Variants in NEGR1 observed in about 807,000 individuals in gnomAD.
The protein encoded by NEGR1 is neuronal growth regulator 1, also known as IgLON family member 4.
Under a neutral mutation model 40.9 loss-of-function variants are expected in NEGR1, and 10 were observed. The observed-to-expected ratio is 0.24, with a 90% CI of 0.15 to 0.42. The LOEUF (loss-of-function observed/expected upper bound fraction) is 0.42. NEGR1 is among the 10% of genes least tolerant of loss of function. The pLI is 1.00. For synonymous variants in NEGR1, 185 were observed against 166.8 expected (o/e 1.11, Z -0.84); for missense variants, 352 against 438.9 (o/e 0.80, Z 1.77).
At chr1:71,908,741 T>A (rs1661346121) in intron 2 of NEGR1, among the ~76,000 whole-genome samples, 1 of 152,218 alleles carries the variant, frequency 6.6e-6, no homozygotes, top group South Asian at 2.1e-4. Context: ...TACATTATTT[T>A]AAATATATGC....
chr1:72,182,910 CT>C (rs1318971455), intron 1 of NEGR1, among the ~76,000 whole-genome samples: 1 of 151,680 alleles, frequency 6.6e-6, no homozygotes, highest in Non-Finnish European at 1.5e-5. Context: ...TCATATTTTC[CT>C]TAAAATGAAA....
At chr1:72,071,752 T>C (rs1379602441) in intron 1 of NEGR1, among the ~76,000 whole-genome samples, 1 of 152,098 alleles carries the variant, frequency 6.6e-6, no homozygotes, top group African/African-American at 2.4e-5. Flanking sequence ...TTTTCCTGTT[T>C]CCACAACCAC....
intron 3 of NEGR1, among the ~76,000 whole-genome samples, chr1:71,717,051 G>C (rs1361741746): frequency 2.0e-5 from 3 of 152,168 alleles, no homozygotes; most frequent in Admixed American, 1.3e-4. Context: ...GTTGTTTCCA[G>C]CTAGGTTCTG....
intron 1 of NEGR1, among the ~76,000 whole-genome samples, chr1:72,193,021 G>GA (rs1652873505): frequency 6.6e-6 from 1 of 151,688 alleles, no homozygotes; most frequent in African/African-American, 2.4e-5. Flanking sequence ...CAGGACAAAG[G>GA]AGAGAAATAC....
chr1:71,775,526 A>G (rs923984828), intron 3 of NEGR1, among the ~76,000 whole-genome samples: 2 of 151,256 alleles, frequency 1.3e-5, no homozygotes, highest in African/African-American at 2.4e-5. Context: ...TTGTATTTTT[A>G]CTGGAGATGG....
At chr1:71,552,704 T>C (rs897721654) in intron 6 of NEGR1, among the ~76,000 whole-genome samples, 2 of 151,136 alleles carry the variant, frequency 1.3e-5, no homozygotes, top group Non-Finnish European at 3.0e-5. Flanking sequence ...TATTCAGAAT[T>C]GAGCTCAGTT....
intron 5 of NEGR1, among the ~76,000 whole-genome samples, chr1:71,609,638 G>A (rs1433393020): frequency 3.0e-5 from 4 of 133,340 alleles, no homozygotes; most frequent in African/African-American, 5.5e-5. Context: ...CAAATCTTTT[G>A]ATTCCAGTTC....
rs144708190 is a variant in NEGR1, at chr1:72,253,774, A to C, written c.176+28545T>G. 5.6e-3 allele frequency among the ~76,000 whole-genome samples: 846 copies of C among 152,304 alleles called. 8 individuals are homozygous for C. The highest frequency in any genetic ancestry group is 0.02 in the African/African-American group (813 of 41,568). On this transcript the variant is annotated intron_variant, in intron 1 of 6. Transcript: ENST00000357731. ...ATAAAAATATTATTTGAATTACAAG[A>C]TATTAGAAGAGATTAGCAATAGTGC...
intron 4 of NEGR1, among the ~76,000 whole-genome samples, chr1:71,649,553 A>C (rs1192600703): frequency 6.6e-6 from 1 of 152,146 alleles, no homozygotes; most frequent in Non-Finnish European, 1.5e-5. Context: ...AACAAGATAA[A>C]ATACATTAAA....
intron 1 of NEGR1, among the ~76,000 whole-genome samples, chr1:71,991,509 T>C (rs1407813442): frequency 6.6e-6 from 1 of 152,206 alleles, no homozygotes; most frequent in Non-Finnish European, 1.5e-5. Flanking sequence ...TACCTCTTCT[T>C]CATCTGAAGA....
intron 2 of NEGR1, among the ~76,000 whole-genome samples, chr1:71,928,468 A>ATATATGTATATATACACACATG: frequency 6.9e-6 from 1 of 144,848 alleles, no homozygotes; most frequent in Admixed American, 7.1e-5. Context: ...ACACATACTT[A>ATATATGTATATATACACACATG]TATATACACA....
intron 1 of NEGR1, among the ~76,000 whole-genome samples, chr1:72,120,084 G>A (rs1166525634): frequency 1.3e-5 from 2 of 151,788 alleles, no homozygotes; most frequent in Non-Finnish European, 2.9e-5. Context: ...TAATCCTTTA[G>A]GTTATCTCAT....
At chr1:72,232,048 G>A (rs1002363147) in intron 1 of NEGR1, among the ~76,000 whole-genome samples, 3 of 151,932 alleles carry the variant, frequency 2.0e-5, no homozygotes, top group Non-Finnish European at 4.4e-5. Flanking sequence ...GAGTAGCCTT[G>A]GAATCTTTAT....
chr1:71,688,327 TAGATAGATAG>T (rs1490358263), intron 4 of NEGR1, among the ~76,000 whole-genome samples: 1 of 97,792 alleles, frequency 1.0e-5, no homozygotes, highest in African/African-American at 3.8e-5. Flanking sequence ...TATATATATA[TAGATAGATAG>T]ATAGATAGAT....
chr1:72,163,773 G>C (rs1651676566), intron 1 of NEGR1, among the ~76,000 whole-genome samples: 1 of 151,614 alleles, frequency 6.6e-6, no homozygotes, highest in Non-Finnish European at 1.5e-5. Context: ...TATAGATTTA[G>C]ATATGTTTAA....
At chr1:71,704,729 A>T (rs1183881157) in intron 3 of NEGR1, among the ~76,000 whole-genome samples, 1 of 151,976 alleles carries the variant, frequency 6.6e-6, no homozygotes, top group Non-Finnish European at 1.5e-5. Context: ...AAACCTACAC[A>T]AATTCTTTCT....
At chr1:71,448,970 C>G (rs56065544) in intron 6 of NEGR1, among the ~76,000 whole-genome samples, 5,268 of 152,194 alleles carry the variant, frequency 0.035, 318 homozygotes, top group African/African-American at 0.12. Flanking sequence ...AAATTTACTT[C>G]GGTTGTCAAA....
At chr1:71,867,856 T>G (rs1012619144) in intron 2 of NEGR1, among the ~76,000 whole-genome samples, 5 of 152,184 alleles carry the variant, frequency 3.3e-5, no homozygotes, top group Admixed American at 1.3e-4. Context: ...ATGTTCCCTT[T>G]TCTCTTAGCA....
At chr1:72,100,260 T>A (rs1557526362) in intron 1 of NEGR1, among the ~76,000 whole-genome samples, 1 of 152,188 alleles carries the variant, frequency 6.6e-6, no homozygotes. Context: ...TTTAGAAATA[T>A]AACATAAACT....
Sources: allele counts gnomAD v4.1 joint callset (sites outside exome capture counted in the v4.1 genomes callset), GRCh38; gene constraint gnomAD v4.1.1; transcripts MANE v1.5; gene names NCBI Gene and HGNC (gene_info 2026-07-23, HGNC 2026-07-21).